Variants in PDE1C observed in about 807,000 individuals in gnomAD.
PDE1C encodes phosphodiesterase 1C.
A neutral mutation model predicts 93.1 loss-of-function variants in PDE1C; 62 were observed. The observed-to-expected ratio is 0.67, with a 90% CI of 0.54 to 0.82. PDE1C has a LOEUF of 0.82. Among genes scored for constraint, PDE1C ranks in the 40% least tolerant of loss-of-function variants. The probability of loss-of-function intolerance (pLI) is 0.00; values close to 1 mark genes in which losing one functional copy is unlikely to be tolerated. For missense variants in PDE1C, 742 were observed against 884.6 expected, an observed-to-expected ratio of 0.84 and a Z score of 2.04; for synonymous variants, 325 against 310.1, an observed-to-expected ratio of 1.05 and a Z score of -0.50.
intron 1 of PDE1C, among the ~76,000 whole-genome samples, chr7:32,057,817 C>T (rs1389703093): frequency 6.6e-6 from 1 of 152,136 alleles, no homozygotes. Flanking sequence ...GGCACACCTG[C>T]AGTCAAATGT....
chr7:31,651,606 C>A, the PDE1C span, among the ~76,000 whole-genome samples: 7 of 151,894 alleles, frequency 4.6e-5, no homozygotes, highest in African/African-American at 1.7e-4. Flanking sequence ...GGATGGAAAT[C>A]AGGTTTAACT....
At chr7:31,844,562 CTTTAT>C (rs1432120458) in intron 9 of PDE1C, among the ~76,000 whole-genome samples, 1 of 151,808 alleles carries the variant, frequency 6.6e-6, no homozygotes, top group Non-Finnish European at 1.5e-5. Flanking sequence ...TGTCATTTTT[CTTTAT>C]TTTATCTTTG....
intron 3 of PDE1C, among the ~76,000 whole-genome samples, chr7:32,165,499 A>G (rs1222061532): frequency 6.6e-6 from 1 of 152,214 alleles, no homozygotes; most frequent in African/African-American, 2.4e-5. Flanking sequence ...GGCCTCAGGA[A>G]ACTTACAACC....
chr7:32,391,560 G>A (rs550563091), intron 1 of PDE1C, among the ~76,000 whole-genome samples: 1 of 152,130 alleles, frequency 6.6e-6, no homozygotes, highest in Non-Finnish European at 1.5e-5. Flanking sequence ...CAAGTGCACA[G>A]AGAACATTCT....
the PDE1C span, among the ~76,000 whole-genome samples, chr7:31,620,425 G>C: frequency 6.6e-6 from 1 of 151,680 alleles, no homozygotes; most frequent in South Asian, 2.1e-4. Flanking sequence ...CCAGAGGAAC[G>C]ATCAGACAGC....
At chr7:32,175,952 G>A (rs1584905945) in intron 2 of PDE1C, among the ~76,000 whole-genome samples, 1 of 152,148 alleles carries the variant, frequency 6.6e-6, no homozygotes, top group African/African-American at 2.4e-5. Context: ...CATCCATTAA[G>A]TAAATTTCAG....
upstream of PDE1C, among the ~76,000 whole-genome samples, chr7:32,075,215 C>T (rs1796282415): frequency 6.6e-6 from 1 of 152,194 alleles, no homozygotes; most frequent in African/African-American, 2.4e-5. Context: ...AAGAGCAAAG[C>T]TTTTTTTCTT....
intron 2 of PDE1C, among the ~76,000 whole-genome samples, chr7:32,017,621 T>C (rs1788082280): frequency 6.6e-6 from 1 of 152,124 alleles, no homozygotes; most frequent in South Asian, 2.1e-4. Context: ...GACTAGTATC[T>C]AGAATACATA....
At chr7:32,297,988 T>TC (rs1562660050) in intron 1 of PDE1C, among the ~76,000 whole-genome samples, 1 of 43,340 alleles carries the variant, frequency 2.3e-5, no homozygotes, top group Non-Finnish European at 5.3e-5. Flanking sequence ...TCTCTCTCTC[T>TC]CTCTCTCTCC....
the PDE1C span, among the ~76,000 whole-genome samples, chr7:31,622,115 G>A: frequency 2.2e-5 from 3 of 137,476 alleles, no homozygotes; most frequent in African/African-American, 8.2e-5. Context: ...CAAGTCCTGA[G>A]TGACCTACAA....
intron 1 of PDE1C, among the ~76,000 whole-genome samples, chr7:32,068,140 T>G (rs994891350): frequency 8.5e-5 from 13 of 152,356 alleles, no homozygotes; most frequent in African/African-American, 3.1e-4. Flanking sequence ...GTCATGGTAA[T>G]ATATTGGTAT....
the PDE1C span, among the ~76,000 whole-genome samples, chr7:31,675,547 G>A: frequency 1.8e-4 from 27 of 152,164 alleles, 1 homozygote; most frequent in East Asian, 4.4e-3. Context: ...TTTGTCTCAT[G>A]CAGAGTGGTT....
chr7:31,985,092 G>C (rs1331314512), intron 2 of PDE1C, among the ~76,000 whole-genome samples: 1 of 152,118 alleles, frequency 6.6e-6, no homozygotes, highest in African/African-American at 2.4e-5. Flanking sequence ...CTGCTATCCA[G>C]ACACCATCAA....
chr7:32,380,765 C>A (rs936597868), intron 1 of PDE1C, among the ~76,000 whole-genome samples: 31 of 152,134 alleles, frequency 2.0e-4, no homozygotes, highest in Admixed American at 6.5e-5. Context: ...TCTCCCAACT[C>A]ACTGGCCACT....
At chr7:31,684,806 C>T in the PDE1C span, among the ~76,000 whole-genome samples, 12 of 152,188 alleles carry the variant, frequency 7.9e-5, no homozygotes, top group African/African-American at 2.7e-4. Flanking sequence ...CTGGACCCTT[C>T]GTACATTGCT....
At chr7:31,620,294 C>A in the PDE1C span, among the ~76,000 whole-genome samples, 8 of 152,202 alleles carry the variant, frequency 5.3e-5, no homozygotes, top group African/African-American at 1.7e-4. Flanking sequence ...TGAGAACGGG[C>A]AGACTGCCTC....
At chr7:31,617,972 C>T in the PDE1C span, among the ~76,000 whole-genome samples, 9 of 152,144 alleles carry the variant, frequency 5.9e-5, no homozygotes, top group Admixed American at 5.9e-4. Context: ...TAGAAGCACA[C>T]ATATTGATTG....
At chr7:31,954,212 C>A (rs1029983) in intron 2 of PDE1C, among the ~76,000 whole-genome samples, 57,556 of 151,996 alleles carry the variant, frequency 0.38, 12,203 homozygotes, top group Non-Finnish European at 0.47. Context: ...GGGACTAATT[C>A]TTGAGTGGAA....
chr7:31,790,223 T>C, intron 16 of PDE1C: 1 of 1,612,688 alleles, frequency 6.2e-7, no homozygotes, highest in South Asian at 1.1e-5. Flanking sequence ...TGGCAGCCTC[T>C]TTTATTGTCT....
Sources: allele counts gnomAD v4.1 joint callset (sites outside exome capture counted in the v4.1 genomes callset), GRCh38; gene constraint gnomAD v4.1.1; transcripts MANE v1.5; gene names NCBI Gene and HGNC (gene_info 2026-07-23, HGNC 2026-07-21).